Variants in SLIT3 observed in about 807,000 individuals in gnomAD.
SLIT3 encodes slit homolog 3 protein.
Under a neutral mutation model 184.0 loss-of-function variants are expected in SLIT3, and 68 were observed. That is an observed-to-expected ratio of 0.37 (90% CI 0.30 to 0.45). The LOEUF is 0.45. Among genes scored for constraint, SLIT3 ranks in the 20% least tolerant of loss-of-function variants. SLIT3 has a pLI of 1.00. For missense variants in SLIT3, 1,707 were observed against 2,026.0 expected, an observed-to-expected ratio of 0.84 and a Z score of 3.02; for synonymous variants, 831 against 828.6, an observed-to-expected ratio of 1.00 and a Z score of -0.05.
intron 4 of SLIT3, among the ~76,000 whole-genome samples, chr5:168,901,242 T>G (rs1161425379): frequency 6.6e-6 from 1 of 152,102 alleles, no homozygotes; most frequent in South Asian, 2.1e-4. Context: ...CGGGCGCCTG[T>G]AGTCCCAGCT....
chr5:169,210,262 G>A (rs757120413), intron 3 of SLIT3, among the ~76,000 whole-genome samples: 4 of 152,176 alleles, frequency 2.6e-5, no homozygotes, highest in Admixed American at 1.3e-4. Flanking sequence ...GGAAGCCAGC[G>A]GGTTCCAAAA....
At chr5:169,099,441 G>T (rs1393326192) in intron 4 of SLIT3, among the ~76,000 whole-genome samples, 1 of 152,066 alleles carries the variant, frequency 6.6e-6, no homozygotes, top group Non-Finnish European at 1.5e-5. Context: ...CCTTCCATGT[G>T]CTAGACACTG....
intron 33 of SLIT3, 36 bp from the exon 34 acceptor site, chr5:168,671,519 C>A: frequency 6.3e-7 from 1 of 1,581,426 alleles, no homozygotes; most frequent in East Asian, 2.3e-5. Flanking sequence ...GCCTGAAGAC[C>A]CTCCCCTGCC....
intron 18 of SLIT3, chr5:168,752,733 C>T: frequency 1.1e-5 from 6 of 548,852 alleles, no homozygotes; most frequent in Non-Finnish European, 1.6e-5. Context: ...GACATGCTTT[C>T]TGTGGCAATT....
chr5:169,234,225 A>T (rs187967340), intron 3 of SLIT3, among the ~76,000 whole-genome samples: 10 of 152,260 alleles, frequency 6.6e-5, no homozygotes, highest in Non-Finnish European at 1.0e-4. Context: ...GAGTGCTGTC[A>T]ATTTAGCCAA....
chr5:168,737,978 T>C (rs1227052850), intron 20 of SLIT3, among the ~76,000 whole-genome samples: 1 of 152,222 alleles, frequency 6.6e-6, no homozygotes, highest in East Asian at 1.9e-4. Context: ...TGTATTTGCT[T>C]CTGTCCTGCT....
At chr5:168,856,385 T>A (rs1264388071) in intron 5 of SLIT3, among the ~76,000 whole-genome samples, 1 of 152,148 alleles carries the variant, frequency 6.6e-6, no homozygotes, top group East Asian at 1.9e-4. Flanking sequence ...CAAACCTGAT[T>A]CTATCTGGGT....
At chr5:169,168,827 G>A (rs780078086) in intron 4 of SLIT3, among the ~76,000 whole-genome samples, 14 of 151,916 alleles carry the variant, frequency 9.2e-5, no homozygotes, top group South Asian at 2.1e-4. Flanking sequence ...AGGAACAAGG[G>A]GAAATGGGGG....
chr5:169,175,078 T>C (rs1184695446), intron 4 of SLIT3, among the ~76,000 whole-genome samples: 1 of 152,182 alleles, frequency 6.6e-6, no homozygotes, highest in African/African-American at 2.4e-5. Context: ...CTCTGAGGAA[T>C]ACCATAGACA....
chr5:168,867,199 C>T lies in SLIT3; in HGVS notation c.485+16066G>A, dbSNP rs181114159. On this transcript the variant is annotated intron_variant, in intron 5 of 35. Transcript: ENST00000519560. ...TCAAACTATGCTTGGAAACATTGCA[C>T]GTGGCTACAATGAAACCATGCAATT... Among the ~76,000 whole-genome samples the T allele has an allele frequency of 1.7e-3, 262 of 152,196 alleles. 2 individuals carry two copies. Among genetic ancestry groups the T allele is most frequent in the African/African-American group, 6.0e-3 (249 of 41,524 alleles).
chr5:168,844,805 G>T (rs1163275435), intron 5 of SLIT3, 150 bp from the exon 6 acceptor site: 11 of 640,130 alleles, frequency 1.7e-5, no homozygotes, highest in Non-Finnish European at 2.8e-5. Context: ...TGTCTGCCAC[G>T]CTGCTCCGTC....
chr5:168,912,063 C>T (rs1338006763), intron 4 of SLIT3, among the ~76,000 whole-genome samples: 1 of 152,184 alleles, frequency 6.6e-6, no homozygotes, highest in African/African-American at 2.4e-5. Context: ...ATCTAACCTC[C>T]TCTTCTTCCT....
At chr5:169,235,373 G>A (rs1765159790) in intron 3 of SLIT3, among the ~76,000 whole-genome samples, 1 of 152,104 alleles carries the variant, frequency 6.6e-6, no homozygotes, top group Non-Finnish European at 1.5e-5. Context: ...AATCAAGAAG[G>A]GTTTCATGGG....
rs565023247 is a variant in SLIT3 at position 169,290,354 on chromosome 5, G to C, written c.197+10159C>G. On this transcript the variant is annotated intron_variant, in intron 1 of 35. Coordinates refer to ENST00000519560, the MANE Select transcript of SLIT3 (RefSeq NM_003062.4). The stretch of plus-strand genomic sequence containing the variant: ...GGGCATACACTGGGGCATATGCTAG[G>C]GCACGCACTAGTACATGTGCTAGGG... 1.6e-4 allele frequency among the ~76,000 whole-genome samples: 24 copies of C among 150,584 alleles called. No individual in the cohort carries two copies. The South Asian group carries it at 5.1e-3, about 32-fold the overall frequency.
chr5:169,294,499 C>T (rs1482122630), intron 1 of SLIT3, among the ~76,000 whole-genome samples: 1 of 152,204 alleles, frequency 6.6e-6, no homozygotes, highest in African/African-American at 2.4e-5. Context: ...GGGTATTGGG[C>T]ATAGCCCACA....
chr5:168,801,343 C>G (rs1272189465), intron 9 of SLIT3, among the ~76,000 whole-genome samples: 6 of 152,146 alleles, frequency 3.9e-5, no homozygotes. Flanking sequence ...TTTTAAACCC[C>G]CTGGTGGCTG....
chr5:168,985,750 G>A (rs1447842377), intron 4 of SLIT3, among the ~76,000 whole-genome samples: 1 of 152,138 alleles, frequency 6.6e-6, no homozygotes, highest in Non-Finnish European at 1.5e-5. Flanking sequence ...TTGCAGCTGT[G>A]GTGGCCGTCT....
In SLIT3 at chr5:168,665,994, T is replaced by G. The variant is rs1316757557; in HGVS notation, c.*460A>C. On this transcript the variant is annotated 3_prime_UTR_variant, in exon 36 of 36. Coordinates refer to ENST00000519560, the MANE Select transcript of SLIT3 (RefSeq NM_003062.4). ...TTCTCTCTCTTCCTCTTATTCCTTTTTCTGATCTCAATGAGCAGCTCTTGG... is the reference window on the plus strand; with the variant it reads ...TTCTCTCTCTTCCTCTTATTCCTTTGTCTGATCTCAATGAGCAGCTCTTGG... 2 of 152,482 alleles carry G rather than the reference T, an allele frequency of 1.3e-5. No homozygotes were observed. The highest frequency in any genetic ancestry group is 2.9e-5 in the Non-Finnish European group (2 of 68,226). 9.4% of individuals were successfully genotyped at this position (152,482 alleles called of 1,614,324 possible).
chr5:169,115,771 G>T (rs569569486), intron 4 of SLIT3, among the ~76,000 whole-genome samples: 14 of 152,286 alleles, frequency 9.2e-5, no homozygotes, highest in Non-Finnish European at 1.8e-4. Flanking sequence ...TGCAAATGAG[G>T]AAACTCTGGA....
Sources: gnomAD v4.1 joint callset for allele counts (sites outside exome capture counted in the v4.1 genomes callset) on GRCh38, gnomAD v4.1.1 for gene constraint, MANE v1.5 for transcripts, NCBI Gene and HGNC (gene_info 2026-07-23, HGNC 2026-07-21) for gene names.